The following TWSG1 variants were observed in gnomAD, a reference collection of about 807,000 sequenced individuals.
The protein encoded by TWSG1 is twisted gastrulation protein homolog 1.
A neutral mutation model predicts 23.0 loss-of-function variants in TWSG1; 15 were observed. The ratio of observed to expected loss-of-function variants is 0.65; its 90% CI spans 0.44 to 1.00. TWSG1 has a LOEUF of 1.00. TWSG1 is among the 50% of genes least tolerant of loss of function. TWSG1 has a pLI of 0.00. For synonymous variants in TWSG1, 86 were observed against 92.8 expected (o/e 0.93, Z 0.42); for missense variants, 242 against 278.7 (o/e 0.87, Z 0.94).
intron 2 of TWSG1, among the ~76,000 whole-genome samples, chr18:9,358,446 G>A (rs895873050): frequency 6.6e-6 from 1 of 152,154 alleles, no homozygotes; most frequent in African/African-American, 2.4e-5. Context: ...GAGAAGAAAG[G>A]TCATATAGTT....
intron 2 of TWSG1, among the ~76,000 whole-genome samples, chr18:9,356,529 T>G (rs1457873692): frequency 6.6e-6 from 1 of 152,178 alleles, no homozygotes; most frequent in Admixed American, 6.5e-5. Context: ...ATACAGTAAT[T>G]CATTTAGCAA....
chr18:9,338,368 G>A (rs1430407875), intron 2 of TWSG1, among the ~76,000 whole-genome samples: 4 of 152,060 alleles, frequency 2.6e-5, no homozygotes, highest in African/African-American at 4.8e-5. Context: ...TAACTTTTTC[G>A]CTGTGGACAT....
At chr18:9,363,282 C>A (rs575609162) in intron 3 of TWSG1, among the ~76,000 whole-genome samples, 1 of 152,030 alleles carries the variant, frequency 6.6e-6, no homozygotes, top group South Asian at 2.1e-4. Flanking sequence ...TTCCTGAAAT[C>A]CTGTGGGTTT....
At chr18:9,336,031 T>C (rs2040421342) in intron 1 of TWSG1, among the ~76,000 whole-genome samples, 1 of 152,238 alleles carries the variant, frequency 6.6e-6, no homozygotes, top group South Asian at 2.1e-4. Flanking sequence ...TAGTCTTTTT[T>C]CCTTCTTCTT....
chr18:9,346,705 G>A (rs964548325), intron 2 of TWSG1, among the ~76,000 whole-genome samples: 1 of 152,200 alleles, frequency 6.6e-6, no homozygotes, highest in Non-Finnish European at 1.5e-5. Context: ...CAAGGCTACA[G>A]TAGGTTATAA....
At chr18:9,335,325 A>G (rs2040417909) in intron 1 of TWSG1, among the ~76,000 whole-genome samples, 1 of 152,224 alleles carries the variant, frequency 6.6e-6, no homozygotes, top group African/African-American at 2.4e-5. Context: ...TGTCAGTGCC[A>G]TCTCCCTTAA....
intron 3 of TWSG1, among the ~76,000 whole-genome samples, chr18:9,369,136 T>TA (rs756323730): frequency 1.4e-4 from 19 of 137,378 alleles, no homozygotes; most frequent in South Asian, 7.1e-4. Context: ...AACAAATAAA[T>TA]AAATAAAATA....
At chr18:9,356,929 A>G (rs183466246) in intron 2 of TWSG1, among the ~76,000 whole-genome samples, 83 of 151,910 alleles carry the variant, frequency 5.5e-4, no homozygotes, top group Non-Finnish European at 1.1e-3. Flanking sequence ...AATTTTTTAA[A>G]AAGCTTTATT....
intron 3 of TWSG1, among the ~76,000 whole-genome samples, chr18:9,382,646 A>C (rs1446852461): frequency 6.6e-6 from 1 of 151,982 alleles, no homozygotes; most frequent in African/African-American, 2.4e-5. Context: ...GTCTCTACTA[A>C]AAATAAAAAA....
intron 3 of TWSG1, among the ~76,000 whole-genome samples, chr18:9,370,821 C>T (rs2040601705): frequency 6.6e-6 from 1 of 152,044 alleles, no homozygotes; most frequent in Middle Eastern, 3.2e-3. Context: ...TTGAGCCCAT[C>T]AAAACTTGTG....
chr18:9,354,674 T>C (rs2040516755), intron 2 of TWSG1, among the ~76,000 whole-genome samples: 1 of 152,328 alleles, frequency 6.6e-6, no homozygotes, highest in East Asian at 1.9e-4. Flanking sequence ...TGTACTATTA[T>C]GCGCTGATTA....
At chr18:9,339,734 C>T (rs66827086) in intron 2 of TWSG1, among the ~76,000 whole-genome samples, 55,747 of 151,664 alleles carry the variant, frequency 0.37, 12,922 homozygotes, top group Non-Finnish European at 0.49. Flanking sequence ...ACCCAGGAGG[C>T]GGAGGTTGCA....
At chr18:9,390,414 G>A (rs564728633) in intron 3 of TWSG1, among the ~76,000 whole-genome samples, 2 of 152,142 alleles carry the variant, frequency 1.3e-5, no homozygotes, top group African/African-American at 4.8e-5. Flanking sequence ...GCCCCCCTCG[G>A]CCTCCCAAAG....
intron 4 of TWSG1, among the ~76,000 whole-genome samples, chr18:9,398,004 C>CAAAAAAAAAAAAAAAAAAAAAA: frequency 1.2e-5 from 1 of 84,738 alleles, no homozygotes; most frequent in Non-Finnish European, 2.3e-5. Context: ...AACTCCATCT[C>CAAAAAAAAAAAAAAAAAAAAAA]AAAAAAAAAA....
intron 3 of TWSG1, among the ~76,000 whole-genome samples, chr18:9,361,361 C>T (rs1445829801): frequency 6.6e-6 from 1 of 152,116 alleles, no homozygotes; most frequent in Non-Finnish European, 1.5e-5. Context: ...TCCTTCTACT[C>T]CTTGCATGAT....
At position 9,364,870 on chromosome 18, in the gene TWSG1, G is replaced by C. The variant is rs145831804; in HGVS notation, c.223+4799G>C. On this transcript the variant is annotated intron_variant, in intron 3 of 4. Transcript: ENST00000262120. The stretch of plus-strand genomic sequence containing the variant: ...TTTATCATTACTTCTGCAGTTATTA[G>C]CTGGAATTTTTCTGTATAATGTAAA... 7.9e-5 allele frequency among the ~76,000 whole-genome samples: 12 copies of C among 152,068 alleles called. No homozygotes were observed. In the East Asian group the frequency reaches 2.3e-3, roughly 29 times the overall value.
intron 2 of TWSG1, among the ~76,000 whole-genome samples, chr18:9,342,572 C>A (rs2040450554): frequency 6.6e-6 from 1 of 151,994 alleles, no homozygotes; most frequent in Non-Finnish European, 1.5e-5. Context: ...CTTTCTTTAC[C>A]TTGTATCATC....
intron 2 of TWSG1, among the ~76,000 whole-genome samples, chr18:9,343,324 A>G (rs1453159287): frequency 6.8e-6 from 1 of 146,248 alleles, no homozygotes; most frequent in Non-Finnish European, 1.5e-5. Context: ...TTTGTATAAT[A>G]TATAATTATG....
intron 3 of TWSG1, among the ~76,000 whole-genome samples, chr18:9,394,605 A>T (rs2040726433): frequency 6.6e-6 from 1 of 152,330 alleles, no homozygotes; most frequent in Non-Finnish European, 1.5e-5. Context: ...GTTTGAGATG[A>T]TGGATGTGTT....
Sources: allele counts gnomAD v4.1 joint callset (sites outside exome capture counted in the v4.1 genomes callset), GRCh38; gene constraint gnomAD v4.1.1; transcripts MANE v1.5; gene names NCBI Gene and HGNC (gene_info 2026-07-23, HGNC 2026-07-21).